The following MIGA2 variants were observed in gnomAD, a reference collection of about 807,000 sequenced individuals.
MIGA2 encodes the protein mitoguardin 2.
In MIGA2, 36 loss-of-function variants were observed where a neutral mutation model predicts 69.9. The observed-to-expected ratio is 0.52, with a 90% CI of 0.39 to 0.68. The LOEUF (loss-of-function observed/expected upper bound fraction) is 0.68, where lower values mean the gene tolerates loss of function less well. Ranked by LOEUF, MIGA2 falls within the 30% of genes least tolerant of loss-of-function variation. The probability of loss-of-function intolerance (pLI) is 0.00; values close to 1 mark genes in which losing one functional copy is unlikely to be tolerated. For synonymous variants in MIGA2, 333 were observed against 349.2 expected (o/e 0.95, Z 0.52); for missense variants, 660 against 787.7 (o/e 0.84, Z 1.94).
In MIGA2 at chr9:129,049,514, G is replaced by T. The variant is rs2131357292; in HGVS notation, c.538+16G>T. The T allele has an allele frequency of 6.2e-7, 1 of 1,610,772 alleles. No individual in the cohort carries two copies. Among genetic ancestry groups the T allele is most frequent in the East Asian group, 2.2e-5 (1 of 44,826 alleles). On this transcript the variant is annotated intron_variant, in intron 5 of 15. Transcript: ENST00000684074. ...TACATGCAAGGTGTGGCCAGGAGGTGCCTCAGCTTCGAGGGCAGGGTGGGT... is the reference window on the plus strand; with the variant it reads ...TACATGCAAGGTGTGGCCAGGAGGTTCCTCAGCTTCGAGGGCAGGGTGGGT...
At chr9:129,050,573 GTT>G (rs1299209059) in intron 6 of MIGA2, among the ~76,000 whole-genome samples, 250 of 114,740 alleles carry the variant, frequency 2.2e-3, no homozygotes, top group African/African-American at 7.8e-3. Flanking sequence ...GTACCCAGCT[GTT>G]TTTTTTTTTT....
intron 9 of MIGA2, among the ~76,000 whole-genome samples, chr9:129,062,862 C>T (rs1423528437): frequency 6.6e-6 from 1 of 151,990 alleles, no homozygotes; most frequent in Non-Finnish European, 1.5e-5. Context: ...AAAAAGTTCA[C>T]TGACCAGAAA....
chr9:129,069,248 C>A lies in MIGA2; in HGVS notation c.1458+119C>A. The A allele has an allele frequency of 1.6e-6, 2 of 1,274,402 alleles. No individual in the cohort carries two copies. Among genetic ancestry groups the A allele is most frequent in the Non-Finnish European group, 1.1e-6 (1 of 887,540 alleles). The allele number at this position is 1,274,402 out of a possible 1,614,324, so 78.9% of individuals were successfully genotyped here. A position where few individuals can be genotyped will look rare whatever the true frequency, so the allele number is the denominator to read the frequency against. On this transcript the variant is annotated intron_variant, in intron 14 of 15. Transcript: ENST00000684074. The surrounding 1 kb of genome is among the most constrained non-coding windows in gnomAD (Gnocchi z 4.9). Reference sequence around the variant, plus strand: ...TGGCCTTCACCGCTCACAGTCCTGGCCCCCTTGTTCCGCCGTTACCTCTCC... The same window carrying A: ...TGGCCTTCACCGCTCACAGTCCTGGACCCCTTGTTCCGCCGTTACCTCTCC...
intron 6 of MIGA2, among the ~76,000 whole-genome samples, chr9:129,053,842 T>G (rs1845669456): frequency 6.6e-6 from 1 of 150,430 alleles, no homozygotes; most frequent in South Asian, 2.1e-4. Context: ...AATTTTTTCT[T>G]GAGACGGGGT....
rs549023366 is a variant in MIGA2 at position 129,070,425 on chromosome 9, A to T, written c.1754A>T (p.Glu585Val). The part of the protein sequence containing the change: ...SAGVNGALPR[E>V]NGPLGELQ ...GGCGTGAATGGGGCGCTGCCCCGAG[A>T]GAATGGGCCCCTGGGGGAGCTGCAG... The change falls in exon 16 of 16, where the codon GAG becomes GTG. Residue 585 changes from glutamate to valine, a missense_variant. Transcript: ENST00000684074. 2 of 1,598,410 alleles carry T rather than the reference A, an allele frequency of 1.3e-6. No individual in the cohort carries two copies. The highest frequency in any genetic ancestry group is 1.7e-6 in the Non-Finnish European group (2 of 1,170,444).
intron 9 of MIGA2, 51 bp from the exon 10 acceptor site, chr9:129,063,193 G>T: frequency 6.3e-7 from 1 of 1,599,924 alleles, no homozygotes; most frequent in Non-Finnish European, 8.6e-7. Flanking sequence ...ACCCCCCGGG[G>T]CATCGCTGGG....
intron 6 of MIGA2, among the ~76,000 whole-genome samples, chr9:129,056,823 C>G (rs1200839207): frequency 6.6e-6 from 1 of 152,006 alleles, no homozygotes; most frequent in Admixed American, 6.6e-5. Flanking sequence ...CAGCTGAGCT[C>G]AGGAGTTCAA....
At chr9:129,064,400 G>A (rs1588411316) in intron 11 of MIGA2, among the ~76,000 whole-genome samples, 1 of 151,972 alleles carries the variant, frequency 6.6e-6, no homozygotes, top group Middle Eastern at 3.4e-3. Flanking sequence ...GTAGAGACAG[G>A]GTTTCACCGT....
At chr9:129,049,791 G>C in intron 5 of MIGA2, 36 bp from the exon 6 acceptor site, 1 of 1,612,916 alleles carries the variant, frequency 6.2e-7, no homozygotes, top group South Asian at 1.1e-5. Context: ...GACTGTGGAG[G>C]TGCTGACCCA....
intron 6 of MIGA2, among the ~76,000 whole-genome samples, chr9:129,052,068 C>T (rs906635193): frequency 5.3e-5 from 8 of 151,998 alleles, no homozygotes; most frequent in African/African-American, 1.4e-4. Context: ...CCTCGTGATC[C>T]GCCCGCCTCG....
rs1304051874 is a variant in MIGA2, at chr9:129,061,962, G to A, written c.1010+616G>A. 6.8e-6 allele frequency among the ~76,000 whole-genome samples: 1 copy of A among 147,706 alleles called. No homozygotes were observed. The highest frequency in any genetic ancestry group is 1.5e-5 in the Non-Finnish European group (1 of 66,702). On this transcript the variant is annotated intron_variant, in intron 9 of 15. Transcript: ENST00000684074. This position sits in a 1 kb window ranked among gnomAD's most constrained non-coding sequence, Gnocchi z 5.0. ...GGCCTCTTCACTATCTTATATTAACGTTATTATTAACTTTTTTGTATTATT... is the reference window on the plus strand; with the variant it reads ...GGCCTCTTCACTATCTTATATTAACATTATTATTAACTTTTTTGTATTATT...
intron 6 of MIGA2, chr9:129,051,241 T>A: frequency 5.8e-6 from 1 of 172,242 alleles, no homozygotes; most frequent in African/African-American, 2.4e-5. Flanking sequence ...ACATCCAAGT[T>A]TTCAACAGTG....
At chr9:129,057,691 A>G (rs532636686) in intron 6 of MIGA2, among the ~76,000 whole-genome samples, 4 of 147,718 alleles carry the variant, frequency 2.7e-5, no homozygotes, top group South Asian at 2.2e-4. Flanking sequence ...TGCAACCTCA[A>G]CCTCCCTGGG....
At chr9:129,054,265 G>C (rs1459208136) in intron 6 of MIGA2, among the ~76,000 whole-genome samples, 1 of 152,066 alleles carries the variant, frequency 6.6e-6, no homozygotes, top group Non-Finnish European at 1.5e-5. Context: ...ACCAGCCTGG[G>C]CAGCATAGTG....
chr9:129,065,137 T>TA (rs1846277287), intron 11 of MIGA2, among the ~76,000 whole-genome samples: 1 of 150,364 alleles, frequency 6.7e-6, no homozygotes, highest in South Asian at 2.1e-4. Context: ...GGAGAGAGTG[T>TA]AAAAAATATA....
chr9:129,060,519 C>T lies in MIGA2; in HGVS notation c.794-31C>T. 1.3e-6 allele frequency: 2 copies of T among 1,538,150 alleles called. No individual in the cohort carries two copies. Among genetic ancestry groups the T allele is most frequent in the Non-Finnish European group, 1.8e-6 (2 of 1,132,068 alleles). ...CAGCTGAGCACTGTGTGGGGAGTCT[C>T]AGCCCCGCTTTCTCTCACTGCTCTT... On this transcript the variant is annotated intron_variant, in intron 7 of 15. Coordinates refer to ENST00000684074, the MANE Select transcript of MIGA2 (RefSeq NM_001329990.2). This position sits in a 1 kb window ranked among gnomAD's most constrained non-coding sequence, Gnocchi z 4.8.
At chr9:129,038,398 ACCTTGAAGGCAT>A (rs1444473473) in intron 1 of MIGA2, among the ~76,000 whole-genome samples, 1 of 151,774 alleles carries the variant, frequency 6.6e-6, no homozygotes, top group African/African-American at 2.4e-5. Flanking sequence ...GTCCCGGGAG[ACCTTGAAGGCAT>A]CCTTGGGCTT....
intron 3 of MIGA2, among the ~76,000 whole-genome samples, chr9:129,043,283 T>C (rs1845020135): frequency 6.6e-6 from 1 of 152,098 alleles, no homozygotes; most frequent in Non-Finnish European, 1.5e-5. Context: ...CATAGAGTCA[T>C]CCGACCACCA....
At chr9:129,044,444 G>A (rs1845101094) in intron 3 of MIGA2, among the ~76,000 whole-genome samples, 1 of 152,142 alleles carries the variant, frequency 6.6e-6, no homozygotes. Flanking sequence ...GGCTGCTGCT[G>A]TGGTTGTAAA....
Sources: allele counts gnomAD v4.1 joint callset (sites outside exome capture counted in the v4.1 genomes callset), GRCh38; gene constraint gnomAD v4.1.1; non-coding constraint Gnocchi (gnomAD v3.1); transcripts MANE v1.5; gene names NCBI Gene and HGNC (gene_info 2026-07-23, HGNC 2026-07-21).